MSTO1: variants seen among roughly 807,000 people sequenced by gnomAD.
MSTO1 encodes misato mitochondrial distribution and morphology regulator 1.
A neutral mutation model predicts 55.7 loss-of-function variants in MSTO1; 24 were observed. The ratio of observed to expected loss-of-function variants is 0.43; its 90% CI spans 0.31 to 0.61. The LOEUF is 0.61. Among genes scored for constraint, MSTO1 ranks in the 20% least tolerant of loss-of-function variants. MSTO1 has a pLI of 0.09. For synonymous variants in MSTO1, 162 were observed against 252.8 expected (o/e 0.64, Z 3.41); for missense variants, 363 against 625.7 (o/e 0.58, Z 4.48).
At chr1:155,583,951 G>T in the MSTO1 span, among the ~76,000 whole-genome samples, 1 of 152,154 alleles carries the variant, frequency 6.6e-6, no homozygotes, top group Non-Finnish European at 1.5e-5. Flanking sequence ...CAAGTAAAAA[G>T]GCAGGCAGGC....
At chr1:155,599,770 G>A in the MSTO1 span, among the ~76,000 whole-genome samples, 1 of 152,192 alleles carries the variant, frequency 6.6e-6, no homozygotes, top group East Asian at 1.9e-4. Flanking sequence ...AGACAATAGT[G>A]GGGAGAGGGT....
chr1:155,601,989 C>T, the MSTO1 span: 11 of 407,574 alleles, frequency 2.7e-5, no homozygotes, highest in Admixed American at 9.2e-5. Context: ...CTCCTGACCT[C>T]GTGATCCGCC....
the MSTO1 span, among the ~76,000 whole-genome samples, chr1:155,589,053 T>G: frequency 6.6e-6 from 1 of 152,188 alleles, no homozygotes; most frequent in Non-Finnish European, 1.5e-5. Flanking sequence ...ATCCCAGCAC[T>G]TTGGGAGGCC....
At chr1:155,573,550 C>T in the MSTO1 span, among the ~76,000 whole-genome samples, 9 of 151,466 alleles carry the variant, frequency 5.9e-5, 1 homozygote, top group South Asian at 4.2e-4. Flanking sequence ...AAAAAAAATA[C>T]GAACTGACCA....
chr1:155,612,675 G>C, intron 9 of MSTO1, 105 bp downstream of exon 9: 1 of 1,448,874 alleles, frequency 6.9e-7, no homozygotes, highest in East Asian at 2.3e-5. Flanking sequence ...GCCCGAGCTT[G>C]AACTCAGCTG....
the MSTO1 span, chr1:155,563,769 G>A: frequency 3.1e-5 from 11 of 356,338 alleles, no homozygotes; most frequent in Non-Finnish European, 4.4e-5. Flanking sequence ...TGCCTCCAGG[G>A]TTAATGTGTG....
At chr1:155,606,682 C>A (rs369606296), upstream of MSTO1, among the ~76,000 whole-genome samples, 21 of 151,534 alleles carry the variant, frequency 1.4e-4, 1 homozygote. Context: ...TGTGAGCCAT[C>A]GTACCCAGCC....
At chr1:155,582,129 T>C in the MSTO1 span, among the ~76,000 whole-genome samples, 1 of 150,912 alleles carries the variant, frequency 6.6e-6, no homozygotes, top group Non-Finnish European at 1.5e-5. Context: ...CCTGATCTCA[T>C]GATCGCCCGC....
At chr1:155,571,653 T>A in the MSTO1 span, among the ~76,000 whole-genome samples, 1 of 152,204 alleles carries the variant, frequency 6.6e-6, no homozygotes, top group African/African-American at 2.4e-5. Flanking sequence ...GCTCTAACAT[T>A]GCTCTAGGAA....
At chr1:155,568,305 C>T in the MSTO1 span, among the ~76,000 whole-genome samples, 2 of 151,836 alleles carry the variant, frequency 1.3e-5, no homozygotes, top group East Asian at 3.9e-4. Context: ...GTCTTGAACT[C>T]CTGACCTTGT....
chr1:155,572,681 G>A, the MSTO1 span, among the ~76,000 whole-genome samples: 14 of 151,824 alleles, frequency 9.2e-5, no homozygotes, highest in South Asian at 1.7e-3. Context: ...ATGGAGTTTC[G>A]CTCTTGTTGC....
the MSTO1 span, among the ~76,000 whole-genome samples, chr1:155,593,691 G>A: frequency 1.3e-5 from 2 of 152,158 alleles, no homozygotes; most frequent in Admixed American, 6.6e-5. Context: ...CATTCGGGCC[G>A]GGTGCGGTGG....
chr1:155,581,738 T>C, the MSTO1 span, among the ~76,000 whole-genome samples: 1 of 151,726 alleles, frequency 6.6e-6, no homozygotes, highest in Non-Finnish European at 1.5e-5. Flanking sequence ...GAGAATTTTG[T>C]TTGTTTTGGC....
chr1:155,612,821 C>T (rs1445492570), intron 9 of MSTO1, 23 bp from the exon 10 acceptor site: 6 of 1,612,828 alleles, frequency 3.7e-6, no homozygotes, highest in Non-Finnish European at 5.1e-6. Context: ...AGGCCAAGTG[C>T]CCATCTTGGT....
chr1:155,590,668 C>T, the MSTO1 span: 37 of 1,438,578 alleles, frequency 2.6e-5, no homozygotes, highest in African/African-American at 3.6e-4. Flanking sequence ...TGTCCAGTAG[C>T]GGGCCATGTA....
the MSTO1 span, among the ~76,000 whole-genome samples, chr1:155,572,967 AATGGTAG>A: frequency 2.6e-5 from 4 of 152,050 alleles, no homozygotes; most frequent in Non-Finnish European, 4.4e-5. Flanking sequence ...GAATTCTTAG[AATGGTAG>A]ATCAAATTCC....
At chr1:155,586,767 T>C in the MSTO1 span, 6 of 448,684 alleles carry the variant, frequency 1.3e-5, no homozygotes, top group South Asian at 1.0e-4. Context: ...ATTATTTTTT[T>C]AACTCAGTCT....
the MSTO1 span, among the ~76,000 whole-genome samples, chr1:155,579,261 C>T: frequency 6.6e-6 from 1 of 151,756 alleles, no homozygotes; most frequent in African/African-American, 2.4e-5. Flanking sequence ...TGTGGTGAGC[C>T]GAGATCAAGC....
chr1:155,578,336 C>CTTTTTTTTTTTTTTTTTTTTTTTTTTTT, the MSTO1 span, among the ~76,000 whole-genome samples: 1 of 44,280 alleles, frequency 2.3e-5, no homozygotes, highest in Non-Finnish European at 3.6e-5. Flanking sequence ...AACTACCTTT[C>CTTTTTTTTTTTTTTTTTTTTTTTTTTTT]TTTTTTTTTT....
Sources: allele counts gnomAD v4.1 joint callset (sites outside exome capture counted in the v4.1 genomes callset), GRCh38; gene constraint gnomAD v4.1.1; transcripts MANE v1.5; gene names NCBI Gene and HGNC (gene_info 2026-07-23, HGNC 2026-07-21).